The following CRPPA variants were observed in gnomAD, a reference collection of about 807,000 sequenced individuals.
CRPPA encodes the protein CDP-L-ribitol pyrophosphorylase A, also known as D-ribitol-5-phosphate cytidylyltransferase.
Under a neutral mutation model 52.0 loss-of-function variants are expected in CRPPA, and 43 were observed. That is an observed-to-expected ratio of 0.83 (90% CI 0.65 to 1.07). The LOEUF is 1.07. Ranked by LOEUF, CRPPA falls within the 50% of genes least tolerant of loss-of-function variation. The pLI is 0.00. For missense variants in CRPPA, 629 were observed against 551.7 expected, an observed-to-expected ratio of 1.14 and a Z score of -1.40; for synonymous variants, 250 against 203.5, an observed-to-expected ratio of 1.23 and a Z score of -1.94.
intron 6 of CRPPA, among the ~76,000 whole-genome samples, chr7:16,272,293 A>G (rs1172076318): frequency 6.6e-6 from 1 of 152,204 alleles, no homozygotes; most frequent in African/African-American, 2.4e-5. Context: ...TCTTCCAGGT[A>G]TTTGGTGGGT....
chr7:16,339,677 A>G (rs1785773095), intron 3 of CRPPA, among the ~76,000 whole-genome samples: 1 of 152,196 alleles, frequency 6.6e-6, no homozygotes, highest in African/African-American at 2.4e-5. Flanking sequence ...TCAACATCAT[A>G]CTGGAATTCT....
chr7:16,173,620 G>A (rs1475029048), intron 9 of CRPPA, among the ~76,000 whole-genome samples: 1 of 152,008 alleles, frequency 6.6e-6, no homozygotes, highest in East Asian at 1.9e-4. Flanking sequence ...AGAATCAATG[G>A]TACTCTAATT....
chr7:16,122,845 G>C (rs922981745), intron 9 of CRPPA, among the ~76,000 whole-genome samples: 2 of 152,044 alleles, frequency 1.3e-5, no homozygotes, highest in Non-Finnish European at 2.9e-5. Flanking sequence ...AATAATCAAA[G>C]CAGGAAGAAT....
At chr7:16,296,440 T>C (rs992924792) in intron 5 of CRPPA, among the ~76,000 whole-genome samples, 3 of 152,152 alleles carry the variant, frequency 2.0e-5, no homozygotes, top group African/African-American at 7.2e-5. Context: ...AAAATGTTCT[T>C]GCAAAACATG....
At chr7:16,162,949 T>C (rs1443042230) in intron 9 of CRPPA, among the ~76,000 whole-genome samples, 1 of 151,300 alleles carries the variant, frequency 6.6e-6, no homozygotes, top group Non-Finnish European at 1.5e-5. Context: ...CTTTGTCTTT[T>C]TTTTTCTTTT....
chr7:16,161,729 T>A (rs1780893807), intron 9 of CRPPA, among the ~76,000 whole-genome samples: 1 of 152,162 alleles, frequency 6.6e-6, no homozygotes, highest in Non-Finnish European at 1.5e-5. Flanking sequence ...TCCCTCTTTT[T>A]CTATTGTTTG....
chr7:16,397,019 C>A (rs1562678631), intron 2 of CRPPA, among the ~76,000 whole-genome samples: 1 of 152,004 alleles, frequency 6.6e-6, no homozygotes, highest in Non-Finnish European at 1.5e-5. Flanking sequence ...ACGTGTGAAA[C>A]ATGTGCCAGA....
At chr7:16,370,568 G>A (rs1786722434) in intron 3 of CRPPA, among the ~76,000 whole-genome samples, 1 of 152,110 alleles carries the variant, frequency 6.6e-6, no homozygotes, top group African/African-American at 2.4e-5. Context: ...GAAAGGGAGA[G>A]GGCACTACAT....
intron 1 of CRPPA, among the ~76,000 whole-genome samples, chr7:16,410,253 G>A (rs952273830): frequency 3.9e-5 from 6 of 152,154 alleles, no homozygotes; most frequent in African/African-American, 1.4e-4. Flanking sequence ...GAACTCCAAA[G>A]AACAATCTGT....
intron 8 of CRPPA, among the ~76,000 whole-genome samples, chr7:16,246,790 T>C (rs1327244715): frequency 6.6e-6 from 1 of 152,260 alleles, no homozygotes; most frequent in African/African-American, 2.4e-5. Context: ...TGTAAGCAGA[T>C]GTGCTGTCAT....
chr7:16,297,613 G>A (rs1784701667), intron 5 of CRPPA, among the ~76,000 whole-genome samples: 1 of 152,144 alleles, frequency 6.6e-6, no homozygotes. Context: ...AGTGTTGCAG[G>A]CAATGCTGAA....
At chr7:16,357,517 C>T (rs1786332395) in intron 3 of CRPPA, among the ~76,000 whole-genome samples, 1 of 152,134 alleles carries the variant, frequency 6.6e-6, no homozygotes, top group African/African-American at 2.4e-5. Context: ...CAGCCGCCCT[C>T]CTCTGTGGCT....
At chr7:16,248,528 G>A (rs1427766862) in intron 8 of CRPPA, among the ~76,000 whole-genome samples, 1 of 152,140 alleles carries the variant, frequency 6.6e-6, no homozygotes, top group Non-Finnish European at 1.5e-5. Flanking sequence ...ATATCTGATA[G>A]GCTAAATTTG....
intron 9 of CRPPA, among the ~76,000 whole-genome samples, chr7:16,161,854 A>G (rs931939704): frequency 6.6e-6 from 1 of 152,100 alleles, no homozygotes; most frequent in Non-Finnish European, 1.5e-5. Context: ...TTACTGCCTC[A>G]ATTTCAGAAA....
At chr7:16,206,470 C>T (rs886993296) in intron 9 of CRPPA, among the ~76,000 whole-genome samples, 2 of 151,916 alleles carry the variant, frequency 1.3e-5, no homozygotes, top group African/African-American at 4.8e-5. Flanking sequence ...TGTTTCTGAA[C>T]CCCTCTTTTG....
chr7:16,249,663 A>T (rs909742216), intron 8 of CRPPA, among the ~76,000 whole-genome samples: 1 of 152,234 alleles, frequency 6.6e-6, no homozygotes, highest in Non-Finnish European at 1.5e-5. Flanking sequence ...GAAAACTAAC[A>T]AACAGAAAGG....
intron 1 of CRPPA, among the ~76,000 whole-genome samples, chr7:16,416,706 G>C (rs931107055): frequency 6.6e-6 from 1 of 152,038 alleles, no homozygotes; most frequent in African/African-American, 2.4e-5. Context: ...TCTGGGCATG[G>C]TGGCACGTGA....
At chr7:16,388,646 A>C (rs1787358285) in intron 2 of CRPPA, among the ~76,000 whole-genome samples, 1 of 152,172 alleles carries the variant, frequency 6.6e-6, no homozygotes, top group Non-Finnish European at 1.5e-5. Flanking sequence ...AGGCCAAGGC[A>C]GGTGGATCAC....
At chr7:16,103,934 T>C (rs1046487847) in intron 9 of CRPPA, among the ~76,000 whole-genome samples, 1 of 152,142 alleles carries the variant, frequency 6.6e-6, no homozygotes, top group African/African-American at 2.4e-5. Flanking sequence ...TTTTAAATTA[T>C]AAACTTAATG....
Sources: gnomAD v4.1 joint callset for allele counts (sites outside exome capture counted in the v4.1 genomes callset) on GRCh38, gnomAD v4.1.1 for gene constraint, MANE v1.5 for transcripts, NCBI Gene and HGNC (gene_info 2026-07-23, HGNC 2026-07-21) for gene names.